AGMO: variants seen among roughly 807,000 people sequenced by gnomAD.
The protein encoded by AGMO is alkylglycerol monooxygenase.
AGMO carries 75 observed loss-of-function variants against 60.2 expected under a neutral mutation model. The ratio of observed to expected loss-of-function variants is 1.25; its 90% CI spans 1.03 to 1.51. AGMO has a LOEUF of 1.51. Among genes scored for constraint, AGMO ranks in the 40% most tolerant of loss-of-function variants. The probability of loss-of-function intolerance (pLI) is 0.00; values close to 1 mark genes in which losing one functional copy is unlikely to be tolerated. For synonymous variants in AGMO, 261 were observed against 177.1 expected, an observed-to-expected ratio of 1.47 and a Z score of -3.76; for missense variants, 763 against 525.5, an observed-to-expected ratio of 1.45 and a Z score of -4.42.
chr7:15,251,485 A>G (rs1782937038), intron 12 of AGMO, among the ~76,000 whole-genome samples: 1 of 152,204 alleles, frequency 6.6e-6, no homozygotes, highest in African/African-American at 2.4e-5. Flanking sequence ...AGAACAAAAG[A>G]GGGGGTGGTA....
At chr7:15,232,801 G>GCACGCGCA (rs1554398736) in intron 12 of AGMO, among the ~76,000 whole-genome samples, 1 of 147,024 alleles carries the variant, frequency 6.8e-6, no homozygotes, top group African/African-American at 2.5e-5. Context: ...ACACACACAC[G>GCACGCGCA]CACACACACA....
chr7:15,146,515 A>G, the AGMO span, among the ~76,000 whole-genome samples: 1 of 145,176 alleles, frequency 6.9e-6, no homozygotes, highest in Admixed American at 6.9e-5. Flanking sequence ...GCAATCAGCT[A>G]TTTTTTTTTT....
chr7:15,446,342 C>T (rs1039790721), intron 3 of AGMO, among the ~76,000 whole-genome samples: 1 of 152,074 alleles, frequency 6.6e-6, no homozygotes, highest in Non-Finnish European at 1.5e-5. Flanking sequence ...TGAAACATTG[C>T]CCATCATAAA....
chr7:15,248,224 A>C (rs181947363), intron 12 of AGMO, among the ~76,000 whole-genome samples: 1,224 of 98,432 alleles, frequency 0.012, 53 homozygotes, highest in African/African-American at 0.047. Flanking sequence ...ATATATATAT[A>C]TCTTCATCTT....
At chr7:15,370,424 T>TGC (rs1437193945) in intron 10 of AGMO, among the ~76,000 whole-genome samples, 1 of 152,216 alleles carries the variant, frequency 6.6e-6, no homozygotes, top group Non-Finnish European at 1.5e-5. Flanking sequence ...GTAATGGGAC[T>TGC]GCTGTGTCAA....
In AGMO at chr7:15,385,527, T is replaced by TG; in HGVS notation, c.992dup (p.Ser332IlefsTer20). ...CTGTATATATCTTTAATAGCTGAGA[T>TG]GAAGATGATGAGAAGGGAACTTCTT... On this transcript the variant is annotated frameshift_variant, in exon 10 of 13. Coordinates refer to ENST00000342526, the MANE Select transcript of AGMO (RefSeq NM_001004320.2). LOFTEE classifies it high-confidence loss of function. 6.2e-7 allele frequency: 1 copy of TG among 1,613,186 alleles called. No individual in the cohort carries two copies.
chr7:15,460,996 G>A (rs1009007798), intron 3 of AGMO, among the ~76,000 whole-genome samples: 1 of 152,092 alleles, frequency 6.6e-6, no homozygotes, highest in African/African-American at 2.4e-5. Context: ...ACAGGCATTT[G>A]TTGTGGGCCT....
intron 3 of AGMO, among the ~76,000 whole-genome samples, chr7:15,479,541 C>T (rs942682334): frequency 1.3e-5 from 2 of 152,142 alleles, no homozygotes; most frequent in Non-Finnish European, 2.9e-5. Context: ...GTATGTAAAT[C>T]GTTCAAATTT....
chr7:15,382,083 A>T (rs928033176), intron 10 of AGMO, among the ~76,000 whole-genome samples: 3 of 152,114 alleles, frequency 2.0e-5, no homozygotes, highest in African/African-American at 7.2e-5. Context: ...TAATACCTAG[A>T]TGATAAAATA....
chr7:15,512,808 C>T (rs1268065370), intron 3 of AGMO, among the ~76,000 whole-genome samples: 1 of 152,060 alleles, frequency 6.6e-6, no homozygotes, highest in Non-Finnish European at 1.5e-5. Context: ...TGAAACCGCA[C>T]TTTATTCTCT....
At chr7:15,404,516 T>C (rs6971622) in intron 5 of AGMO, among the ~76,000 whole-genome samples, 6,382 of 151,948 alleles carry the variant, frequency 0.042, 425 homozygotes, top group African/African-American at 0.15. Context: ...CATTTATAGG[T>C]TTAACCATCT....
chr7:15,548,286 C>T (rs1784845994), intron 2 of AGMO, among the ~76,000 whole-genome samples: 1 of 152,068 alleles, frequency 6.6e-6, no homozygotes, highest in Admixed American at 6.5e-5. Flanking sequence ...AACGCAGTTC[C>T]TCACCAGCAA....
intron 12 of AGMO, among the ~76,000 whole-genome samples, chr7:15,228,641 A>G (rs1004435876): frequency 6.6e-6 from 1 of 152,220 alleles, no homozygotes; most frequent in Non-Finnish European, 1.5e-5. Flanking sequence ...TAACTAAAGT[A>G]AAATAAGTAA....
At chr7:15,473,896 C>T (rs1461809824) in intron 3 of AGMO, among the ~76,000 whole-genome samples, 1 of 152,022 alleles carries the variant, frequency 6.6e-6, no homozygotes, top group African/African-American at 2.4e-5. Context: ...CACAAGCATT[C>T]CTATACACAA....
chr7:15,367,439 G>A (rs1343604490), intron 10 of AGMO, among the ~76,000 whole-genome samples: 2 of 151,832 alleles, frequency 1.3e-5, no homozygotes, highest in Admixed American at 6.6e-5. Flanking sequence ...CAGAGTAGTT[G>A]TCATTATATC....
At position 15,414,004 on chromosome 7, in the gene AGMO, T is replaced by A. The variant is rs939577655; in HGVS notation, c.609+4554A>T. On this transcript the variant is annotated intron_variant, in intron 5 of 12. Coordinates refer to ENST00000342526, the MANE Select transcript of AGMO (RefSeq NM_001004320.2). ...AACAATATTTTGGGATTTATTTATTTGTTTATTTTTTATTATTTTTTTAGA... is the reference window on the plus strand; with the variant it reads ...AACAATATTTTGGGATTTATTTATTAGTTTATTTTTTATTATTTTTTTAGA... Among the ~76,000 whole-genome samples, 21 of 152,270 alleles carry A rather than the reference T, an allele frequency of 1.4e-4. 1 individual carries two copies. Among genetic ancestry groups the A allele is most frequent in the Admixed American group, 1.0e-3 (16 of 15,286 alleles).
At chr7:15,442,752 C>G (rs1248318665) in intron 3 of AGMO, among the ~76,000 whole-genome samples, 1 of 152,022 alleles carries the variant, frequency 6.6e-6, no homozygotes, top group Non-Finnish European at 1.5e-5. Context: ...TTGCATTTCC[C>G]AAGACCACCC....
intron 12 of AGMO, among the ~76,000 whole-genome samples, chr7:15,304,534 T>C (rs1780553538): frequency 6.6e-6 from 1 of 152,096 alleles, no homozygotes; most frequent in Admixed American, 6.6e-5. Context: ...TACAGAAATA[T>C]AAGGAAGATA....
chr7:15,260,895 A>G (rs1783248532), intron 12 of AGMO, among the ~76,000 whole-genome samples: 2 of 151,786 alleles, frequency 1.3e-5, no homozygotes, highest in African/African-American at 4.9e-5. Context: ...TGGAAATTAA[A>G]TAACCTGCTC....
Sources: gnomAD v4.1 joint callset for allele counts (sites outside exome capture counted in the v4.1 genomes callset) on GRCh38, gnomAD v4.1.1 for gene constraint, MANE v1.5 for transcripts, NCBI Gene and HGNC (gene_info 2026-07-23, HGNC 2026-07-21) for gene names.